Variants in ADGRL2 observed in about 807,000 individuals in gnomAD.
ADGRL2 encodes the protein calcium-independent alpha-latrotoxin receptor 2.
ADGRL2 carries 44 observed loss-of-function variants against 157.4 expected under a neutral mutation model. That is an observed-to-expected ratio of 0.28 (90% CI 0.22 to 0.36). ADGRL2 has a LOEUF of 0.36. Ranked by LOEUF, ADGRL2 falls within the 10% of genes least tolerant of loss-of-function variation. ADGRL2 has a pLI of 1.00. For synonymous variants in ADGRL2, 585 were observed against 624.7 expected (o/e 0.94, Z 0.95); for missense variants, 1,510 against 1,768.9 (o/e 0.85, Z 2.63).
At chr1:81,551,777 T>C (rs1481668109) in intron 2 of ADGRL2, among the ~76,000 whole-genome samples, 1 of 152,172 alleles carries the variant, frequency 6.6e-6, no homozygotes, top group Non-Finnish European at 1.5e-5. Context: ...TTCTGAAACA[T>C]ATAGCTTTTT....
chr1:81,789,283 G>T (rs2087212654), intron 2 of ADGRL2, among the ~76,000 whole-genome samples: 1 of 152,174 alleles, frequency 6.6e-6, no homozygotes, highest in African/African-American at 2.4e-5. Flanking sequence ...ATACAGTGAT[G>T]TGTAATAAGT....
chr1:81,811,423 ATT>A (rs1028070159), intron 1 of ADGRL2, among the ~76,000 whole-genome samples: 5 of 151,672 alleles, frequency 3.3e-5, no homozygotes, highest in African/African-American at 1.2e-4. Context: ...GAACCGAGAC[ATT>A]TTAAGGGAGA....
intron 1 of ADGRL2, among the ~76,000 whole-genome samples, chr1:81,833,192 A>G (rs181512201): frequency 1.2e-4 from 19 of 152,322 alleles, no homozygotes; most frequent in Admixed American, 1.2e-3. Context: ...TAGAGTTGAC[A>G]TGTATTTAGT....
rs190712331 is a variant in ADGRL2, at chr1:81,990,256, C to G, written c.3656-135C>G. ...ATTTACAGTTGGGAATGCAGGAAAG[C>G]CTGGCACTTTTCAAGTGTTAGCTTT... On this transcript the variant is annotated intron_variant, in intron 23 of 23. Coordinates refer to ENST00000686636, the MANE Select transcript of ADGRL2 (RefSeq NM_001366006.2). 4.2e-4 allele frequency: 629 copies of G among 1,494,120 alleles called. 4 individuals are homozygous for G. The African/African-American group carries it at 7.3e-3, about 17-fold the overall frequency. The allele number at this position is 1,494,120 out of a possible 1,614,324, so 92.6% of individuals were successfully genotyped here. A position where few individuals can be genotyped will look rare whatever the true frequency, so the allele number is the denominator to read the frequency against.
At chr1:81,725,798 A>G (rs1570972862) in intron 1 of ADGRL2, among the ~76,000 whole-genome samples, 1 of 152,158 alleles carries the variant, frequency 6.6e-6, no homozygotes, top group African/African-American at 2.4e-5. Flanking sequence ...AATGTAAAAT[A>G]CATTCTTAAT....
intron 1 of ADGRL2, among the ~76,000 whole-genome samples, chr1:81,338,109 T>C (rs1021021304): frequency 5.3e-5 from 8 of 152,168 alleles, no homozygotes; most frequent in African/African-American, 1.9e-4. Flanking sequence ...ACACCTGTAA[T>C]CCCAGCACGT....
chr1:81,720,876 A>G (rs186130928), intron 1 of ADGRL2, among the ~76,000 whole-genome samples: 4 of 150,162 alleles, frequency 2.7e-5, no homozygotes. Flanking sequence ...ATATTAACAT[A>G]TATTTATGTT....
chr1:81,486,407 C>T (rs936999619), intron 2 of ADGRL2, among the ~76,000 whole-genome samples: 2 of 151,966 alleles, frequency 1.3e-5, no homozygotes, highest in African/African-American at 4.8e-5. Context: ...TGAAGGCAAT[C>T]CAAAAGAGAA....
chr1:81,879,884 G>A (rs904475262), intron 2 of ADGRL2, among the ~76,000 whole-genome samples: 12 of 151,942 alleles, frequency 7.9e-5, no homozygotes, highest in Non-Finnish European at 1.6e-4. Context: ...AAAATTAGCC[G>A]GGCTTGTTGG....
upstream of ADGRL2, among the ~76,000 whole-genome samples, chr1:81,699,569 C>G (rs1222161735): frequency 6.6e-6 from 1 of 152,148 alleles, no homozygotes; most frequent in East Asian, 1.9e-4. Flanking sequence ...CACAGCCACA[C>G]CCAACTTTTA....
intron 3 of ADGRL2, among the ~76,000 whole-genome samples, chr1:81,595,811 C>A (rs550175527): frequency 1.6e-4 from 24 of 152,278 alleles, no homozygotes; most frequent in African/African-American, 5.1e-4. Context: ...GCTGCTATAA[C>A]AGAATGCTAT....
At chr1:81,739,501 G>A (rs996433740) in intron 1 of ADGRL2, among the ~76,000 whole-genome samples, 3 of 152,156 alleles carry the variant, frequency 2.0e-5, no homozygotes, top group Non-Finnish European at 4.4e-5. Flanking sequence ...GGCAGAGAGA[G>A]CCAAGGTGAG....
intron 4 of ADGRL2, 35 bp from the exon 5 acceptor site, chr1:81,941,998 CT>C: frequency 7.9e-6 from 6 of 762,050 alleles, no homozygotes; most frequent in Admixed American, 3.5e-5. Flanking sequence ...TTCCTTGCAC[CT>C]TTTTTATTTT....
intron 3 of ADGRL2, among the ~76,000 whole-genome samples, chr1:81,692,487 A>C (rs2148995944): frequency 6.6e-6 from 1 of 152,304 alleles, no homozygotes; most frequent in East Asian, 1.9e-4. Flanking sequence ...ATTGTATGCT[A>C]AGCTCTTTTT....
intron 1 of ADGRL2, among the ~76,000 whole-genome samples, chr1:81,740,078 G>A (rs2085024255): frequency 6.6e-6 from 1 of 152,196 alleles, no homozygotes; most frequent in Admixed American, 6.5e-5. Flanking sequence ...GATGTCAAAG[G>A]AAGATGAGGG....
At chr1:81,949,133 TACA>T (rs1226676050) in intron 6 of ADGRL2, among the ~76,000 whole-genome samples, 3 of 152,214 alleles carry the variant, frequency 2.0e-5, no homozygotes, top group South Asian at 2.1e-4. Context: ...TTTGCTCTAC[TACA>T]ACAATTTAAA....
chr1:81,657,039 C>A (rs1019864353), intron 3 of ADGRL2, among the ~76,000 whole-genome samples: 2 of 150,390 alleles, frequency 1.3e-5, no homozygotes, highest in Admixed American at 1.3e-4. Context: ...ATTCAGAAAG[C>A]CATGCAACTT....
At chr1:81,919,160 G>A (rs919376802) in intron 3 of ADGRL2, among the ~76,000 whole-genome samples, 15 of 152,076 alleles carry the variant, frequency 9.9e-5, no homozygotes, top group African/African-American at 3.1e-4. Flanking sequence ...TTTGGGAGAA[G>A]AGAGACTGAA....
At chr1:81,603,484 A>C (rs894428517) in intron 3 of ADGRL2, among the ~76,000 whole-genome samples, 2 of 151,744 alleles carry the variant, frequency 1.3e-5, no homozygotes, top group African/African-American at 2.4e-5. Context: ...TGTATAAATC[A>C]GGTATGTATG....
Sources: allele counts gnomAD v4.1 joint callset (sites outside exome capture counted in the v4.1 genomes callset), GRCh38; gene constraint gnomAD v4.1.1; transcripts MANE v1.5; gene names NCBI Gene and HGNC (gene_info 2026-07-23, HGNC 2026-07-21).